Variants in KNG1 observed in about 807,000 individuals in gnomAD.
The protein encoded by KNG1 is kininogen 1.
KNG1 carries 23 observed loss-of-function variants against 47.8 expected under a neutral mutation model. The observed-to-expected ratio is 0.48, with a 90% CI of 0.35 to 0.68. The LOEUF is 0.68. Ranked by LOEUF, KNG1 falls within the 30% of genes least tolerant of loss-of-function variation. The probability of loss-of-function intolerance (pLI) is 0.01; values close to 1 mark genes in which losing one functional copy is unlikely to be tolerated. For synonymous variants in KNG1, 277 were observed against 277.0 expected (o/e 1.00, Z 0.00); for missense variants, 762 against 790.2 (o/e 0.96, Z 0.43).
Position 186,720,208 on chromosome 3 carries a change from C to G in KNG1, c.299C>G (p.Ala100Gly). 1 of 1,606,258 alleles carries G rather than the reference C, an allele frequency of 6.2e-7. No homozygotes were observed. Among genetic ancestry groups the G allele is most frequent in the Non-Finnish European group, 8.5e-7 (1 of 1,172,932 alleles). Residue 100 changes from alanine (A) to glycine (G), a missense_variant, in exon 2 of 10, where the codon GCA (alanine) becomes GGA (glycine). Transcript: ENST00000644859. ...TWQDCEYKDA[A>G]KAATGECTAT... Reference sequence around the variant, plus strand: ...CAGGACTGTGAGTACAAGGATGCTGCAAAAGCAGTAAGTGTATTGGCCATT... The same window carrying G: ...CAGGACTGTGAGTACAAGGATGCTGGAAAAGCAGTAAGTGTATTGGCCATT...
In KNG1 at chr3:186,732,636, T is replaced by C. The variant is rs1579124205; in HGVS notation, c.892T>C (p.Tyr298His). ...TAATGCAGAGAATAACGCAACTTTC[T>C]ATTTCAAGATTGACAATGTGAAAAA... is the stretch of plus-strand genomic sequence containing the variant. ...KLNAENNATF[Y>H]FKIDNVKKAR... Residue 298 changes from tyrosine (Y) to histidine (H), a missense_variant, in exon 7 of 10, where the codon TAT becomes CAT. Coordinates refer to ENST00000644859, the MANE Select transcript of KNG1 (RefSeq NM_001102416.3). 1 of 1,614,122 alleles carries C rather than the reference T, an allele frequency of 6.2e-7. No individual in the cohort carries two copies. Among genetic ancestry groups the C allele is most frequent in the Non-Finnish European group, 8.5e-7 (1 of 1,179,962 alleles).
In KNG1 at chr3:186,741,983, A is replaced by G; in HGVS notation, c.1587A>G (p.Glu529=). ...CAGAGCATTTGGCAAGCTCTTCTGA[A>G]GACAGTACTACACCTTCTGCACAGA... ...WKTEHLASSS[E]DSTTPSAQTQ... Residue 529 remains glutamate (E), a synonymous_variant, in exon 10 of 10, where the codon GAA becomes GAG. Coordinates refer to ENST00000644859, the MANE Select transcript of KNG1 (RefSeq NM_001102416.3). 6.2e-7 allele frequency: 1 copy of G among 1,614,252 alleles called. No homozygotes were observed. Among genetic ancestry groups the G allele is most frequent in the Non-Finnish European group, 8.5e-7 (1 of 1,180,040 alleles).
chr3:186,742,247 C>A lies in KNG1; in HGVS notation c.1851C>A (p.Arg617=), dbSNP rs1720836022. The change falls in exon 10 of 10, where the codon CGC becomes CGA. Residue 617 remains arginine (R), a synonymous_variant. Coordinates refer to ENST00000644859, the MANE Select transcript of KNG1 (RefSeq NM_001102416.3). The part of the protein sequence containing the change: ...PDTTSPKCPG[R]PWKSVSEINP... ...CGACCTCCCCAAAATGTCCTGGACGCCCCTGGAAGTCAGTTAGTGAAATTA... is the reference window on the plus strand; with the variant it reads ...CGACCTCCCCAAAATGTCCTGGACGACCCTGGAAGTCAGTTAGTGAAATTA... 2 of 1,614,150 alleles carry A rather than the reference C, an allele frequency of 1.2e-6. No homozygotes were observed. Among genetic ancestry groups the A allele is most frequent in the Non-Finnish European group, 1.7e-6 (2 of 1,180,014 alleles).
chr3:186,727,238 T>G lies in KNG1; in HGVS notation c.566T>G (p.Val189Gly). ...LNEVKRAQRQ[V>G]VAGLNFRITY... ...ATATTCAATCTGAAATTGTTTCAGG[T>G]GGTGGCTGGATTGAACTTTCGAATT... Residue 189 changes from valine (V) to glycine (G), a missense_variant and splice_region_variant, in exon 5 of 10, where the codon GTG becomes GGG. Physicochemically the swap from Val to Gly is moderately radical, Grantham distance 109. Coordinates refer to ENST00000644859, the MANE Select transcript of KNG1 (RefSeq NM_001102416.3). The G allele has an allele frequency of 6.2e-7, 1 of 1,602,298 alleles. No homozygotes were observed. The highest frequency in any genetic ancestry group is 1.3e-5 in the African/African-American group (1 of 74,882).
Position 186,725,093 on chromosome 3 carries a change from G to A in KNG1, c.397G>A (p.Gly133Ser). The A allele has an allele frequency of 6.2e-7, 1 of 1,613,978 alleles. No individual in the cohort carries two copies. Among genetic ancestry groups the A allele is most frequent in the South Asian group, 1.1e-5 (1 of 91,068 alleles). ...TQTCQITPAE[G>S]PVVTAQYDCL... ...TTTGTCTGCTCTTTGTTAAGCCGAG[G>A]GCCCTGTGGTGACAGCCCAGTACGA... Residue 133 changes from glycine to serine, a missense_variant, in exon 4 of 10, where the codon GGC (glycine) becomes AGC (serine). Transcript: ENST00000644859.
Position 186,742,245 on chromosome 3 carries a change from C to G in KNG1, c.1849C>G (p.Arg617Gly), listed in dbSNP as rs201737072. The change falls in exon 10 of 10, where the codon CGC (arginine) becomes GGC (glycine). Residue 617 changes from arginine (R) to glycine (G), a missense_variant. Transcript: ENST00000644859. ...CACGACCTCCCCAAAATGTCCTGGACGCCCCTGGAAGTCAGTTAGTGAAAT... is the reference window on the plus strand; with the variant it reads ...CACGACCTCCCCAAAATGTCCTGGAGGCCCCTGGAAGTCAGTTAGTGAAAT... ...PDTTSPKCPG[R>G]PWKSVSEINP... 6.2e-7 allele frequency: 1 copy of G among 1,614,186 alleles called. No individual in the cohort carries two copies. Among genetic ancestry groups the G allele is most frequent in the Non-Finnish European group, 8.5e-7 (1 of 1,180,034 alleles).
In KNG1 at chr3:186,742,887, G is replaced by GA. The variant is rs1193453684; in HGVS notation, c.*563dup. Reference sequence around the variant, plus strand: ...GGCATCAGAGCAAGATTCTGTCTCAGAAAAAAAGAAAAAAAAAGAAATAAT... The same window carrying GA: ...GGCATCAGAGCAAGATTCTGTCTCAGAAAAAAAAGAAAAAAAAAGAAATAAT... On this transcript the variant is annotated 3_prime_UTR_variant, in exon 10 of 10. Coordinates refer to ENST00000644859, the MANE Select transcript of KNG1 (RefSeq NM_001102416.3). 2.4e-5 allele frequency: 23 copies of GA among 966,708 alleles called. 1 individual carries two copies. The East Asian group carries it at 2.3e-3, about 97-fold the overall frequency. 59.9% of individuals were successfully genotyped at this position (966,708 alleles called of 1,614,324 possible). A position where few individuals can be genotyped will look rare whatever the true frequency, so the allele number is the denominator to read the frequency against.
chr3:186,730,806 TG>T (rs5030041), intron 5 of KNG1, among the ~76,000 whole-genome samples: 55,973 of 146,986 alleles, frequency 0.38, 10,879 homozygotes, highest in South Asian at 0.48. Flanking sequence ...ATGATACTTA[TG>T]AAAGTATCAT....
At chr3:186,730,086 C>T (rs574624456) in intron 5 of KNG1, among the ~76,000 whole-genome samples, 1 of 151,736 alleles carries the variant, frequency 6.6e-6, no homozygotes, top group South Asian at 2.1e-4. Flanking sequence ...GAAATCATGT[C>T]GAGTCAAAAA....
chr3:186,722,677 G>A (rs1017898326), intron 3 of KNG1, among the ~76,000 whole-genome samples, 156 bp downstream of exon 3: 10 of 152,214 alleles, frequency 6.6e-5, no homozygotes, highest in South Asian at 2.1e-4. Context: ...GGCAGAGCCC[G>A]GAGGTTGAGC....
chr3:186,728,584 T>C (rs1720433513), intron 5 of KNG1: 1 of 152,156 alleles, frequency 6.6e-6, no homozygotes, highest in Non-Finnish European at 1.5e-5. Flanking sequence ...TAAATGTAAA[T>C]ACAAAAAGTG....
rs1720737902 is a variant in KNG1 at position 186,739,101 on chromosome 3, G to C, written c.933G>C (p.Val311=). 1 of 1,611,616 alleles carries C rather than the reference G, an allele frequency of 6.2e-7. No individual in the cohort carries two copies. The highest frequency in any genetic ancestry group is 1.3e-5 in the African/African-American group (1 of 74,846). ...IDNVKKARVQ[V]VAGKKYFIDF... The stretch of plus-strand genomic sequence containing the variant: ...CTTTGTACTAATTAATTTTTCAGGT[G>C]GTGGCTGGCAAGAAATATTTTATTG... The change falls in exon 8 of 10, where the codon GTG becomes GTC. Residue 311 remains valine (V), a splice_region_variant and synonymous_variant. Coordinates refer to ENST00000644859, the MANE Select transcript of KNG1 (RefSeq NM_001102416.3).
intron 4 of KNG1, among the ~76,000 whole-genome samples, chr3:186,725,487 G>A (rs878857845): frequency 4.0e-5 from 6 of 148,744 alleles, no homozygotes; most frequent in South Asian, 2.1e-4. Context: ...ATGGGTAATC[G>A]TCATTACAGG....
chr3:186,722,817 C>T (rs5030000), intron 3 of KNG1, among the ~76,000 whole-genome samples: 2,033 of 152,272 alleles, frequency 0.013, 50 homozygotes, highest in African/African-American at 0.046. Flanking sequence ...CAGGCAGCAT[C>T]CCAGATTGAG....
chr3:186,731,577 C>T lies in KNG1; in HGVS notation c.705C>T (p.Ile235=), dbSNP rs543905546. 16 of 1,611,256 alleles carry T rather than the reference C, an allele frequency of 9.9e-6. No homozygotes were observed. Among genetic ancestry groups the T allele is most frequent in the East Asian group, 8.9e-5 (4 of 44,874 alleles). Residue 235 remains isoleucine, a synonymous_variant, in exon 6 of 10, where the codon ATC becomes ATT. Coordinates refer to ENST00000644859, the MANE Select transcript of KNG1 (RefSeq NM_001102416.3). The part of the protein sequence containing the change: ...DTGECTDNAY[I]DIQLRIASFS... Reference sequence around the variant, plus strand: ...GTGAATGTACAGATAATGCATACATCGATATTCAGCTACGAATTGCTTCCT... The same window carrying T: ...GTGAATGTACAGATAATGCATACATTGATATTCAGCTACGAATTGCTTCCT...
Position 186,725,252 on chromosome 3 carries a change from C to A in KNG1, c.556C>A (p.Gln186Lys), listed in dbSNP as rs2108623413. The A allele has an allele frequency of 1.9e-6, 3 of 1,613,866 alleles. No individual in the cohort carries two copies. Among genetic ancestry groups the A allele is most frequent in the Non-Finnish European group, 2.5e-6 (3 of 1,179,830 alleles). The change falls in exon 4 of 10, where the codon CAA becomes AAA. Residue 186 changes from glutamine to lysine, a missense_variant. By Grantham distance (53) the Gln-to-Lys change is moderately conservative. Transcript: ENST00000644859. Reference sequence around the variant, plus strand: ...CATGCTTAATGAAGTAAAACGGGCCCAAAGACAGGTTTGTTCTTTAATTCT... The same window carrying A: ...CATGCTTAATGAAGTAAAACGGGCCAAAAGACAGGTTTGTTCTTTAATTCT... ...LFMLNEVKRAQRQVVAGLNFR... is the reference protein window; with the variant it reads ...LFMLNEVKRAKRQVVAGLNFR...
rs185303789 is a variant in KNG1, at chr3:186,720,908, G to A, written c.306+693G>A. Reference sequence around the variant, plus strand: ...AGGTTCACGCCATTGTCCTGCCTCAGCCTCCTGAGTAGCTGGGACTACAGG... The same window carrying A: ...AGGTTCACGCCATTGTCCTGCCTCAACCTCCTGAGTAGCTGGGACTACAGG... On this transcript the variant is annotated intron_variant, in intron 2 of 9. Transcript: ENST00000644859. Among the ~76,000 whole-genome samples the A allele has an allele frequency of 2.0e-5, 3 of 147,240 alleles. No individual in the cohort carries two copies. In the East Asian group the frequency reaches 6.2e-4, roughly 31 times the overall value.
At chr3:186,726,289 T>G (rs948779039) in intron 4 of KNG1, among the ~76,000 whole-genome samples, 22 of 97,946 alleles carry the variant, frequency 2.2e-4, no homozygotes, top group African/African-American at 1.4e-4. Context: ...TTTTTTTTTT[T>G]TTTTTGTTTT....
chr3:186,731,202 TA>T (rs753072002), intron 5 of KNG1, among the ~76,000 whole-genome samples: 1 of 152,214 alleles, frequency 6.6e-6, no homozygotes, highest in Non-Finnish European at 1.5e-5. Flanking sequence ...GTTTTTATCA[TA>T]AGATGATTCT....
Sources: allele counts gnomAD v4.1 joint callset (sites outside exome capture counted in the v4.1 genomes callset), GRCh38; gene constraint gnomAD v4.1.1; transcripts MANE v1.5; gene names NCBI Gene and HGNC (gene_info 2026-07-23, HGNC 2026-07-21).